Variants in ROBO2 observed in about 807,000 individuals in gnomAD.
ROBO2 encodes the protein roundabout homolog 2.
A neutral mutation model predicts 160.8 loss-of-function variants in ROBO2; 53 were observed. That is an observed-to-expected ratio of 0.33 (90% CI 0.26 to 0.41). The LOEUF is 0.41. ROBO2 is among the 10% of genes least tolerant of loss of function. ROBO2 has a pLI of 1.00. For synonymous variants in ROBO2, 664 were observed against 611.7 expected (o/e 1.09, Z -1.26); for missense variants, 1,577 against 1,722.4 (o/e 0.92, Z 1.49).
chr3:76,403,468 A>G (rs764592909), intron 2 of ROBO2, among the ~76,000 whole-genome samples: 12 of 151,590 alleles, frequency 7.9e-5, no homozygotes, highest in Non-Finnish European at 1.6e-4. Flanking sequence ...TGTTAGAACA[A>G]TTTCTGGTCC....
intron 2 of ROBO2, among the ~76,000 whole-genome samples, chr3:77,246,364 G>T (rs1268481891): frequency 1.1e-5 from 1 of 91,592 alleles, no homozygotes; most frequent in Non-Finnish European, 2.3e-5. Flanking sequence ...TGTGTGTTTT[G>T]CATGTTGGCT....
intron 2 of ROBO2, among the ~76,000 whole-genome samples, chr3:76,335,738 A>G (rs534391517): frequency 3.4e-4 from 52 of 151,810 alleles, no homozygotes; most frequent in Middle Eastern, 3.4e-3. Context: ...CACCACGCCC[A>G]GCTAATTTTT....
chr3:77,571,643 ATT>A (rs979360485), intron 13 of ROBO2, among the ~76,000 whole-genome samples: 3 of 152,188 alleles, frequency 2.0e-5, no homozygotes, highest in African/African-American at 7.2e-5. Flanking sequence ...AGAAAATACT[ATT>A]TTAAAAAAAT....
At chr3:76,710,004 A>G (rs924560833) in intron 2 of ROBO2, among the ~76,000 whole-genome samples, 1 of 152,186 alleles carries the variant, frequency 6.6e-6, no homozygotes, top group African/African-American at 2.4e-5. Context: ...GGATAAAGAA[A>G]ACAAGTAAAG....
chr3:77,277,212 C>CTTTCTTCTTTCT (rs762489739), intron 2 of ROBO2, among the ~76,000 whole-genome samples: 33 of 80,044 alleles, frequency 4.1e-4, no homozygotes, highest in African/African-American at 1.6e-3. Flanking sequence ...TTCTTTCTTT[C>CTTTCTTCTTTCT]TTCTTTCTTT....
At chr3:76,395,621 A>G (rs1332737157) in intron 2 of ROBO2, among the ~76,000 whole-genome samples, 1 of 152,114 alleles carries the variant, frequency 6.6e-6, no homozygotes, top group Admixed American at 6.5e-5. Context: ...TAGACGCAAT[A>G]AAAAATGACA....
Position 77,059,953 on chromosome 3 carries a change from G to A in ROBO2, c.61+19107G>A, listed in dbSNP as rs188610729. 9.0e-3 allele frequency among the ~76,000 whole-genome samples: 1,369 copies of A among 152,166 alleles called. 20 individuals carry two copies. Among genetic ancestry groups the A allele is most frequent in the African/African-American group, 0.031 (1,305 of 41,498 alleles). ...TATACTACACCAGGGGGGTTACAGT[G>A]GTGACTATCAGGAGAATACTACCAA... On this transcript the variant is annotated intron_variant, in intron 1 of 25. Coordinates refer to ENST00000461745, the Ensembl canonical transcript of ROBO2.
chr3:77,516,335 G>A (rs1272070137), intron 5 of ROBO2, among the ~76,000 whole-genome samples: 1 of 151,406 alleles, frequency 6.6e-6, no homozygotes, highest in Non-Finnish European at 1.5e-5. Flanking sequence ...TTACCTACCA[G>A]AATTGTTAAA....
At chr3:76,658,968 G>A (rs747338371) in intron 2 of ROBO2, among the ~76,000 whole-genome samples, 28 of 151,960 alleles carry the variant, frequency 1.8e-4, no homozygotes, top group African/African-American at 2.9e-4. Flanking sequence ...ATACAATGAC[G>A]GTATGAATTT....
At position 75,923,165 on chromosome 3, in the gene ROBO2, T is replaced by C. The variant is rs180882693; in HGVS notation, c.-13-14316T>C. On this transcript the variant is annotated intron_variant, in intron 1 of 26. Coordinates refer to the ROBO2 transcript ENST00000487694. ...TTTTTTTTTAAAACATACACACAGT[T>C]TTTGATGCACATTTTTATTGGGAAG... Among the ~76,000 whole-genome samples the C allele has an allele frequency of 2.1e-4, 32 of 152,332 alleles. 1 individual carries two copies. The South Asian group carries it at 5.6e-3, about 27-fold the overall frequency.
chr3:77,566,275 C>T (rs1217559922), intron 12 of ROBO2, among the ~76,000 whole-genome samples: 1 of 151,912 alleles, frequency 6.6e-6, no homozygotes, highest in Non-Finnish European at 1.5e-5. Context: ...TGCTATTGTT[C>T]TCTAAGCAGT....
intron 2 of ROBO2, among the ~76,000 whole-genome samples, chr3:76,679,335 T>C (rs1439836176): frequency 2.0e-5 from 3 of 152,116 alleles, no homozygotes; most frequent in Admixed American, 6.5e-5. Context: ...TCTTATAAGA[T>C]CTTATCTATT....
chr3:76,204,226 T>C (rs183827706), intron 2 of ROBO2, among the ~76,000 whole-genome samples: 19 of 152,346 alleles, frequency 1.2e-4, no homozygotes, highest in African/African-American at 4.3e-4. Context: ...CCTGTTTACT[T>C]GCAACTATTT....
chr3:76,654,983 C>T (rs1472767613), intron 2 of ROBO2, among the ~76,000 whole-genome samples: 5 of 146,926 alleles, frequency 3.4e-5, no homozygotes, highest in African/African-American at 1.2e-4. Context: ...AGTAAAGATA[C>T]CTTAATATTC....
chr3:76,613,597 C>T (rs79928076), intron 2 of ROBO2, among the ~76,000 whole-genome samples: 39 of 151,760 alleles, frequency 2.6e-4, no homozygotes, highest in Non-Finnish European at 4.6e-4. Context: ...AGAGAGAAGA[C>T]GGTAATGTTC....
intron 15 of ROBO2, among the ~76,000 whole-genome samples, chr3:77,578,308 G>A (rs2093822276): frequency 6.6e-6 from 1 of 152,020 alleles, no homozygotes. Flanking sequence ...TAGACCACAT[G>A]TGAATGAAAA....
rs565197923 is a variant in ROBO2, at chr3:77,265,869, A to G, written c.388+167529A>G. ...AATTAATTACGTTTTACATCAATAGACTACTTTGGAGTATTTAAAGAAATG... is the reference window on the plus strand; with the variant it reads ...AATTAATTACGTTTTACATCAATAGGCTACTTTGGAGTATTTAAAGAAATG... On this transcript the variant is annotated intron_variant, in intron 2 of 25. Transcript: ENST00000461745. 1.2e-4 allele frequency among the ~76,000 whole-genome samples: 18 copies of G among 152,284 alleles called. No individual in the cohort carries two copies. In the South Asian group the frequency reaches 1.7e-3, roughly 14 times the overall value.
At chr3:76,723,109 C>A (rs2093491007) in intron 2 of ROBO2, among the ~76,000 whole-genome samples, 1 of 151,686 alleles carries the variant, frequency 6.6e-6, no homozygotes, top group Admixed American at 6.6e-5. Flanking sequence ...ATACATTATT[C>A]CTTGTGTTAT....
chr3:77,195,015 A>G (rs1319882679), intron 2 of ROBO2, among the ~76,000 whole-genome samples: 2 of 152,162 alleles, frequency 1.3e-5, no homozygotes, highest in African/African-American at 4.8e-5. Context: ...TGGAAATGGC[A>G]GTAAAATCTA....
Sources: allele counts gnomAD v4.1 joint callset (sites outside exome capture counted in the v4.1 genomes callset), GRCh38; gene constraint gnomAD v4.1.1; transcripts MANE v1.5; gene names NCBI Gene and HGNC (gene_info 2026-07-23, HGNC 2026-07-21).